ADRA1D: variants seen among roughly 807,000 people sequenced by gnomAD.
ADRA1D encodes the protein alpha-1D adrenergic receptor.
ADRA1D carries 22 observed loss-of-function variants against 18.6 expected under a neutral mutation model. That is an observed-to-expected ratio of 1.19 (90% CI 0.85 to 1.69). The LOEUF (loss-of-function observed/expected upper bound fraction) is 1.69. Ranked by LOEUF, ADRA1D falls within the 40% of genes most tolerant of loss-of-function variation. The probability of loss-of-function intolerance (pLI) is 0.00; values close to 1 mark genes in which losing one functional copy is unlikely to be tolerated. For synonymous variants in ADRA1D, 376 were observed against 388.2 expected, an observed-to-expected ratio of 0.97 and a Z score of 0.37; for missense variants, 840 against 840.7, an observed-to-expected ratio of 1.00 and a Z score of 0.01.
intron 1 of ADRA1D, among the ~76,000 whole-genome samples, chr20:4,225,797 C>T (rs1344508682): frequency 6.6e-6 from 1 of 152,130 alleles, no homozygotes; most frequent in East Asian, 1.9e-4. Flanking sequence ...CAGTTTCTAG[C>T]TCTGGAGAGT....
intron 1 of ADRA1D, among the ~76,000 whole-genome samples, chr20:4,236,283 C>T (rs1380314889): frequency 1.3e-5 from 2 of 152,186 alleles, no homozygotes; most frequent in Non-Finnish European, 1.5e-5. Context: ...GCATCTACCT[C>T]ATAGGACTGT....
chr20:4,231,449 ACTGTCC>A (rs1980969039), intron 1 of ADRA1D, among the ~76,000 whole-genome samples: 1 of 151,958 alleles, frequency 6.6e-6, no homozygotes, highest in African/African-American at 2.4e-5. Context: ...ATGTTTTTGC[ACTGTCC>A]AATATGTTTT....
chr20:4,244,986 C>G (rs1021235891), intron 1 of ADRA1D, among the ~76,000 whole-genome samples: 5 of 152,214 alleles, frequency 3.3e-5, no homozygotes, highest in African/African-American at 1.2e-4. Flanking sequence ...CCTCCACCCC[C>G]CAATTCCCTA....
Position 4,222,176 on chromosome 20 carries a change from G to A in ADRA1D, c.1112-46C>T, listed in dbSNP as rs765673280. On this transcript the variant is annotated intron_variant, in intron 1 of 1. Transcript: ENST00000379453. This position sits in a 1 kb window ranked among gnomAD's most constrained non-coding sequence, Gnocchi z 4.3. The stretch of plus-strand genomic sequence containing the variant: ...TACTATTTAGCTGCTTGGGGAGGGG[G>A]AGGCCAGGCGGCTCTGGGCGCAAAG... The A allele has an allele frequency of 6.3e-7, 1 of 1,584,766 alleles. No individual in the cohort carries two copies. The highest frequency in any genetic ancestry group is 1.1e-5 in the South Asian group (1 of 89,168).
intron 1 of ADRA1D, among the ~76,000 whole-genome samples, chr20:4,246,796 A>G (rs1290384137): frequency 1.3e-5 from 2 of 152,204 alleles, no homozygotes; most frequent in East Asian, 3.8e-4. Context: ...TTTTAATAGG[A>G]GAGTGACACA....
At position 4,242,203 on chromosome 20, in the gene ADRA1D, C is replaced by T. The variant is rs564835181; in HGVS notation, c.1111+5644G>A. Among the ~76,000 whole-genome samples, 8 of 152,314 alleles carry T rather than the reference C, an allele frequency of 5.3e-5. No homozygotes were observed. In the East Asian group the frequency reaches 1.5e-3, roughly 29 times the overall value. On this transcript the variant is annotated intron_variant, in intron 1 of 1. Coordinates refer to ENST00000379453, the MANE Select transcript of ADRA1D (RefSeq NM_000678.4). Reference sequence around the variant, plus strand: ...AGTTTCAGACCTGGCTTATTTTGCGCAGTATAACATCCATGAAATTCATCC... The same window carrying T: ...AGTTTCAGACCTGGCTTATTTTGCGTAGTATAACATCCATGAAATTCATCC...
At chr20:4,231,090 T>TCTCTCTCTC (rs1318670027) in intron 1 of ADRA1D, among the ~76,000 whole-genome samples, 8 of 67,722 alleles carry the variant, frequency 1.2e-4, no homozygotes, top group African/African-American at 6.4e-4. Flanking sequence ...CTCTTTTCTT[T>TCTCTCTCTC]TCTTTTCTTT....
chr20:4,221,871 G>A lies in ADRA1D; in HGVS notation c.1371C>T (p.Pro457=). Residue 457 remains proline, a synonymous_variant, in exon 2 of 2, where the codon CCC becomes CCT. Coordinates refer to ENST00000379453, the MANE Select transcript of ADRA1D (RefSeq NM_000678.4). The part of the protein sequence containing the change: ...QDCAPSSGDA[P]PGAPLALTAL... The stretch of plus-strand genomic sequence containing the variant: ...CGGTGAGGGCCAGCGGCGCTCCGGG[G>A]GGCGCGTCGCCCGAACTCGGGGCGC... The A allele has an allele frequency of 6.8e-7, 1 of 1,465,760 alleles. No individual in the cohort carries two copies. 90.8% of individuals were successfully genotyped at this position (1,465,760 alleles called of 1,614,324 possible).
intron 1 of ADRA1D, among the ~76,000 whole-genome samples, chr20:4,237,459 GAA>G (rs35448645): frequency 2.2e-5 from 3 of 136,740 alleles, no homozygotes; most frequent in Non-Finnish European, 3.1e-5. Context: ...TCCATCTCTT[GAA>G]AAAAAAAAAA....
At chr20:4,232,392 G>C (rs1257164884) in intron 1 of ADRA1D, among the ~76,000 whole-genome samples, 2 of 152,204 alleles carry the variant, frequency 1.3e-5, no homozygotes, top group African/African-American at 4.8e-5. Flanking sequence ...GAGTGTGCGT[G>C]CTCGGAGCAT....
At chr20:4,242,838 G>C (rs1335373265) in intron 1 of ADRA1D, among the ~76,000 whole-genome samples, 1 of 152,022 alleles carries the variant, frequency 6.6e-6, no homozygotes, top group African/African-American at 2.4e-5. Flanking sequence ...TGGTCACTAG[G>C]AGTGACAGGG....
At chr20:4,245,053 G>T (rs1235211173) in intron 1 of ADRA1D, among the ~76,000 whole-genome samples, 1 of 152,254 alleles carries the variant, frequency 6.6e-6, no homozygotes, top group Admixed American at 6.5e-5. Flanking sequence ...GTGCGTGCCA[G>T]CAAGGAGCAA....
intron 1 of ADRA1D, among the ~76,000 whole-genome samples, chr20:4,246,230 C>A (rs1248085283): frequency 5.3e-5 from 8 of 152,178 alleles, no homozygotes; most frequent in African/African-American, 1.9e-4. Flanking sequence ...CCTGCCCTCA[C>A]ACAGCTTCTG....
At chr20:4,243,122 C>A (rs1039163290) in intron 1 of ADRA1D, among the ~76,000 whole-genome samples, 1 of 152,146 alleles carries the variant, frequency 6.6e-6, no homozygotes, top group African/African-American at 2.4e-5. Flanking sequence ...CTGCATTCTA[C>A]ACAATTGGCC....
At chr20:4,246,219 C>T (rs947673121) in intron 1 of ADRA1D, among the ~76,000 whole-genome samples, 2 of 152,140 alleles carry the variant, frequency 1.3e-5, no homozygotes, top group Admixed American at 6.5e-5. Flanking sequence ...GGTGACACAG[C>T]CCTGCCCTCA....
rs1232124660 is a variant in ADRA1D at position 4,227,753 on chromosome 20, C to CCT, written c.1112-5624_1112-5623insAG. On this transcript the variant is annotated intron_variant, in intron 1 of 1. Coordinates refer to ENST00000379453, the MANE Select transcript of ADRA1D (RefSeq NM_000678.4). ...TTCCTTCCTTCCTTCCTTCCTTCTTCTCTCTCTCTCTTTCTTCTCTTTCTT... is the reference window on the plus strand; with the variant it reads ...TTCCTTCCTTCCTTCCTTCCTTCTTCCTTCTCTCTCTCTTTCTTCTCTTTCTT... Among the ~76,000 whole-genome samples the CCT allele has an allele frequency of 7.8e-3, 649 of 82,946 alleles. 10 individuals carry two copies. The highest frequency in any genetic ancestry group is 0.03 in the African/African-American group (610 of 20,120). The allele number at this position is 82,946 out of a possible 152,430, so 54.4% of individuals were successfully genotyped here.
Position 4,221,999 on chromosome 20 carries a change from G to T in ADRA1D, c.1243C>A (p.Arg415Ser). ...SSREFKRAFL[R>S]LLRCQCRRRR... is the part of the protein sequence containing the mutation. Reference sequence around the variant, plus strand: ...CGACGGCACTGGCAGCGCAGGAGACGGAGGAAGGCGCGCTTGAACTCGCGG... The same window carrying T: ...CGACGGCACTGGCAGCGCAGGAGACTGAGGAAGGCGCGCTTGAACTCGCGG... The change falls in exon 2 of 2, where the codon CGT becomes AGT. Residue 415 changes from arginine (R) to serine (S), a missense_variant. Arg to Ser is a moderately radical substitution (Grantham distance 110). Transcript: ENST00000379453. 8 of 1,589,346 alleles carry T rather than the reference G, an allele frequency of 5.0e-6. No homozygotes were observed. The highest frequency in any genetic ancestry group is 6.8e-6 in the Non-Finnish European group (8 of 1,168,120).
rs1160463931 is a variant in ADRA1D, at chr20:4,221,460, C to T, written c.*63G>A. 1.5e-5 allele frequency: 23 copies of T among 1,516,000 alleles called. No homozygotes were observed. Among genetic ancestry groups the T allele is most frequent in the Non-Finnish European group, 2.0e-5 (23 of 1,124,044 alleles). The allele number at this position is 1,516,000 out of a possible 1,614,324, so 93.9% of individuals were successfully genotyped here. A position where few individuals can be genotyped will look rare whatever the true frequency, so the allele number is the denominator to read the frequency against. ...TGCACGGGGGCTCTTAGAACACCAGCCCGCCTCTCTGGTCCCCCTTACCCC... is the reference window on the plus strand; with the variant it reads ...TGCACGGGGGCTCTTAGAACACCAGTCCGCCTCTCTGGTCCCCCTTACCCC... On this transcript the variant is annotated 3_prime_UTR_variant, in exon 2 of 2. Coordinates refer to ENST00000379453, the MANE Select transcript of ADRA1D (RefSeq NM_000678.4).
At chr20:4,227,741 T>TCCTTCCTTCCTTCCTTCCTTCCTC in intron 1 of ADRA1D, among the ~76,000 whole-genome samples, 1 of 123,244 alleles carries the variant, frequency 8.1e-6, no homozygotes, top group Non-Finnish European at 1.7e-5. Flanking sequence ...CTTCCTTCCT[T>TCCTTCCTTCCTTCCTTCCTTCCTC]CCTTCCTTCT....
Sources: allele counts gnomAD v4.1 joint callset (sites outside exome capture counted in the v4.1 genomes callset), GRCh38; gene constraint gnomAD v4.1.1; non-coding constraint Gnocchi (gnomAD v3.1); transcripts MANE v1.5; gene names NCBI Gene and HGNC (gene_info 2026-07-23, HGNC 2026-07-21).